PTPRD: variants seen among roughly 807,000 people sequenced by gnomAD.
The protein encoded by PTPRD is protein tyrosine phosphatase receptor type D.
PTPRD carries 34 observed loss-of-function variants against 214.5 expected under a neutral mutation model. The observed-to-expected ratio is 0.16, with a 90% CI of 0.12 to 0.21. The LOEUF (loss-of-function observed/expected upper bound fraction) is 0.21, where lower values mean the gene tolerates loss of function less well. Among genes scored for constraint, PTPRD ranks in the 10% least tolerant of loss-of-function variants. The pLI is 1.00. For missense variants in PTPRD, 2,545 were observed against 2,398.7 expected (o/e 1.06, Z -1.27); for synonymous variants, 1,128 against 845.7 (o/e 1.33, Z -5.79).
rs145450059 is a variant in PTPRD at position 9,899,973 on chromosome 9, GAAGT to G, written c.-368+38530_-368+38533del. On this transcript the variant is annotated intron_variant, in intron 5 of 45. Transcript: ENST00000381196. The stretch of plus-strand genomic sequence containing the variant: ...ACACATGACAAACCTGAAAAAAGTA[GAAGT>G]AATAGAAGCAGAAAGTAGAATAATA... Among the ~76,000 whole-genome samples, 985 of 152,128 alleles carry G rather than the reference GAAGT, an allele frequency of 6.5e-3. 12 individuals are homozygous for G. Among genetic ancestry groups the G allele is most frequent in the African/African-American group, 0.023 (941 of 41,502 alleles).
chr9:8,566,098 ATATGTGTGTG>A (rs1473198273), intron 14 of PTPRD, among the ~76,000 whole-genome samples: 1 of 46,154 alleles, frequency 2.2e-5, no homozygotes, highest in Non-Finnish European at 4.6e-5. Context: ...TGAATGCAAA[ATATGTGTGTG>A]TGTGTGTGTG....
At chr9:9,197,812 G>T (rs1157067) in intron 9 of PTPRD, among the ~76,000 whole-genome samples, 67,055 of 152,020 alleles carry the variant, frequency 0.44, 14,876 homozygotes, top group South Asian at 0.46. Context: ...GATTTTTGAA[G>T]GAATGAATGT....
At chr9:9,646,724 C>A (rs547187504) in intron 7 of PTPRD, among the ~76,000 whole-genome samples, 15 of 152,214 alleles carry the variant, frequency 9.9e-5, no homozygotes, top group African/African-American at 3.1e-4. Context: ...GCAGATAGTA[C>A]TGAACCCTAC....
At chr9:8,913,789 T>A (rs1438213693) in intron 11 of PTPRD, among the ~76,000 whole-genome samples, 1 of 152,094 alleles carries the variant, frequency 6.6e-6, no homozygotes, top group Admixed American at 6.6e-5. Flanking sequence ...TGGTGGACAA[T>A]GAAGATGAGA....
intron 5 of PTPRD, among the ~76,000 whole-genome samples, chr9:9,840,846 T>G (rs996762417): frequency 4.0e-5 from 6 of 151,188 alleles, no homozygotes; most frequent in African/African-American, 1.5e-4. Context: ...ATGTATGTAT[T>G]TATTTATATT....
At chr9:8,937,814 A>T (rs554835756) in intron 11 of PTPRD, among the ~76,000 whole-genome samples, 3 of 152,196 alleles carry the variant, frequency 2.0e-5, no homozygotes, top group Non-Finnish European at 4.4e-5. Context: ...GAGGAGAATT[A>T]AAGGGTCAAG....
At chr9:9,276,208 C>A (rs900524486) in intron 9 of PTPRD, among the ~76,000 whole-genome samples, 5 of 151,342 alleles carry the variant, frequency 3.3e-5, no homozygotes. Flanking sequence ...CTGATGAAGA[C>A]TCACATCAGT....
At chr9:10,390,272 C>A (rs900515555) in intron 2 of PTPRD, among the ~76,000 whole-genome samples, 1 of 151,782 alleles carries the variant, frequency 6.6e-6, no homozygotes, top group Non-Finnish European at 1.5e-5. Flanking sequence ...TTAGACTCTG[C>A]CACACCCTTT....
chr9:8,743,797 C>CAATAATAATAAT (rs138293869), intron 11 of PTPRD, among the ~76,000 whole-genome samples: 28 of 138,328 alleles, frequency 2.0e-4, no homozygotes, highest in African/African-American at 5.9e-4. Flanking sequence ...CAAAAAATAA[C>CAATAATAATAAT]AATAATAATA....
chr9:10,418,160 G>C (rs2098510865), intron 2 of PTPRD, among the ~76,000 whole-genome samples: 1 of 151,554 alleles, frequency 6.6e-6, no homozygotes, highest in African/African-American at 2.4e-5. Flanking sequence ...AAGCATAATG[G>C]TATAATTATA....
intron 2 of PTPRD, among the ~76,000 whole-genome samples, chr9:10,526,516 T>C (rs1322116554): frequency 6.6e-6 from 1 of 152,098 alleles, no homozygotes; most frequent in Non-Finnish European, 1.5e-5. Flanking sequence ...CAGGAGCTTA[T>C]AAGGAGAATA....
chr9:8,927,274 C>G (rs975846709), intron 11 of PTPRD, among the ~76,000 whole-genome samples: 1 of 151,952 alleles, frequency 6.6e-6, no homozygotes, highest in African/African-American at 2.4e-5. Context: ...GCAGAATGTG[C>G]AGGCTTGTAA....
At position 8,317,089 on chromosome 9, in the gene PTPRD, A is replaced by T. The variant is rs1328808269; in HGVS notation, c.*785T>A. ...TGAAGAGAATGGGTACTTTCTCACC[A>T]ATCAAAACTGAAGTGTAAAATTAAT... On this transcript the variant is annotated 3_prime_UTR_variant, in exon 46 of 46. Transcript: ENST00000381196. 1.3e-5 allele frequency: 3 copies of T among 228,008 alleles called. No individual in the cohort carries two copies. The highest frequency in any genetic ancestry group is 7.2e-5 in the African/African-American group (3 of 41,920). The allele number at this position is 228,008 out of a possible 1,614,324, so 14.1% of individuals were successfully genotyped here.
intron 10 of PTPRD, among the ~76,000 whole-genome samples, chr9:9,122,958 C>T (rs1278853217): frequency 6.6e-6 from 1 of 152,102 alleles, no homozygotes; most frequent in Non-Finnish European, 1.5e-5. Context: ...GAGTTTGTGA[C>T]ATGGGGAAAA....
At chr9:10,140,459 T>C (rs140124977) in intron 3 of PTPRD, among the ~76,000 whole-genome samples, 2,620 of 152,000 alleles carry the variant, frequency 0.017, 41 homozygotes, top group South Asian at 0.035. Context: ...CATCAGAGAA[T>C]AGTATAAACA....
chr9:10,043,992 T>C (rs2097344458), intron 3 of PTPRD, among the ~76,000 whole-genome samples: 1 of 151,816 alleles, frequency 6.6e-6, no homozygotes, highest in South Asian at 2.1e-4. Context: ...AGCTCAGAAT[T>C]TGTAACAAAT....
At chr9:9,810,691 T>C (rs930424318) in intron 5 of PTPRD, among the ~76,000 whole-genome samples, 3 of 151,978 alleles carry the variant, frequency 2.0e-5, no homozygotes, top group African/African-American at 4.8e-5. Context: ...CTGATGAAGG[T>C]ATAAAGGATA....
intron 2 of PTPRD, among the ~76,000 whole-genome samples, chr9:10,457,633 G>GTATGTT (rs2098928316): frequency 6.6e-6 from 1 of 152,096 alleles, no homozygotes; most frequent in Admixed American, 6.6e-5. Flanking sequence ...AAGAGACAGT[G>GTATGTT]TATGTTTACT....
chr9:9,465,377 A>G (rs1284134568), intron 8 of PTPRD, among the ~76,000 whole-genome samples: 1 of 152,194 alleles, frequency 6.6e-6, no homozygotes, highest in Non-Finnish European at 1.5e-5. Flanking sequence ...CTAGGCATAA[A>G]CAAGATGGTA....
Sources: allele counts gnomAD v4.1 joint callset (sites outside exome capture counted in the v4.1 genomes callset), GRCh38; gene constraint gnomAD v4.1.1; transcripts MANE v1.5; gene names NCBI Gene and HGNC (gene_info 2026-07-23, HGNC 2026-07-21).